The following ACAD11 variants were observed in gnomAD, a reference collection of about 807,000 sequenced individuals.
ACAD11 encodes acyl-Coenzyme A dehydrogenase family, member 11.
In ACAD11, 83 loss-of-function variants were observed where a neutral mutation model predicts 102.2. The ratio of observed to expected loss-of-function variants is 0.81; its 90% confidence interval spans 0.68 to 0.97. The LOEUF (loss-of-function observed/expected upper bound fraction) is 0.97. ACAD11 is among the 50% of genes least tolerant of loss of function. The pLI is 0.00. For synonymous variants in ACAD11, 324 were observed against 319.8 expected, an observed-to-expected ratio of 1.01 and a Z score of -0.14; for missense variants, 901 against 951.7, an observed-to-expected ratio of 0.95 and a Z score of 0.70.
chr3:132,636,371 T>G (rs2107875610), intron 5 of ACAD11, among the ~76,000 whole-genome samples: 1 of 152,328 alleles, frequency 6.6e-6, no homozygotes, highest in East Asian at 1.9e-4. Context: ...ATTATCTTCT[T>G]TATAAAGAGA....
chr3:132,609,669 C>A (rs909635800), intron 11 of ACAD11, among the ~76,000 whole-genome samples: 1 of 152,102 alleles, frequency 6.6e-6, no homozygotes, highest in Non-Finnish European at 1.5e-5. Context: ...AGCCCAGGAC[C>A]AGATGGTTTC....
intron 17 of ACAD11, among the ~76,000 whole-genome samples, chr3:132,569,958 AC>A (rs1256346416): frequency 7.2e-5 from 11 of 152,306 alleles, no homozygotes; most frequent in African/African-American, 2.6e-4. Context: ...CATTGGGGAA[AC>A]TGGGCAAAGG....
At chr3:132,597,465 A>C (rs1010641155) in intron 13 of ACAD11, 9 of 151,948 alleles carry the variant, frequency 5.9e-5, no homozygotes. Context: ...GGGTTACTTG[A>C]AAATAGCTGT....
chr3:132,645,083 C>A (rs980118107), intron 1 of ACAD11, among the ~76,000 whole-genome samples, 187 bp from the exon 2 acceptor site: 2 of 152,170 alleles, frequency 1.3e-5, no homozygotes, highest in Non-Finnish European at 2.9e-5. Context: ...TGGCAACATA[C>A]TGGCAGCTGG....
chr3:132,558,862 T>A lies in ACAD11; in HGVS notation c.*109A>T. On this transcript the variant is annotated 3_prime_UTR_variant, in exon 20 of 20. Coordinates refer to ENST00000264990, the MANE Select transcript of ACAD11 (RefSeq NM_032169.5). ...TATAATCTTTACCACAAATGAATAATTAACCCTGTGCTCAAACTGCTACAA... is the reference window on the plus strand; with the variant it reads ...TATAATCTTTACCACAAATGAATAAATAACCCTGTGCTCAAACTGCTACAA... 1 of 754,706 alleles carries A rather than the reference T, an allele frequency of 1.3e-6. No individual in the cohort carries two copies. Among genetic ancestry groups the A allele is most frequent in the Non-Finnish European group, 2.2e-6 (1 of 453,988 alleles). The allele number at this position is 754,706 out of a possible 1,614,324, so 46.8% of individuals were successfully genotyped here. A position where few individuals can be genotyped will look rare whatever the true frequency, so the allele number is the denominator to read the frequency against.
intron 11 of ACAD11, among the ~76,000 whole-genome samples, chr3:132,609,912 T>C (rs1438654601): frequency 1.3e-5 from 2 of 151,958 alleles, no homozygotes; most frequent in African/African-American, 4.8e-5. Context: ...CAGCAACACA[T>C]CAAAAAGCTT....
intron 18 of ACAD11, among the ~76,000 whole-genome samples, chr3:132,560,758 C>A (rs772596921): frequency 6.6e-6 from 1 of 152,078 alleles, no homozygotes; most frequent in South Asian, 2.1e-4. Flanking sequence ...CAACCCTAGG[C>A]CTTAGGCAGA....
chr3:132,599,762 T>C (rs1938484963), intron 13 of ACAD11, among the ~76,000 whole-genome samples: 1 of 152,076 alleles, frequency 6.6e-6, no homozygotes, highest in Non-Finnish European at 1.5e-5. Flanking sequence ...TAAAAAACAG[T>C]ATACAATAAG....
At chr3:132,562,336 C>A (rs1052962777) in intron 17 of ACAD11, among the ~76,000 whole-genome samples, 1 of 152,206 alleles carries the variant, frequency 6.6e-6, no homozygotes, top group Non-Finnish European at 1.5e-5. Flanking sequence ...AACTCCTGAC[C>A]TTGTGATCTG....
rs764140612 is a variant in ACAD11, at chr3:132,619,468, C to T, written c.1275G>A (p.Lys425=). ...TTTCTAGCGTTAAAGATTTTCTTAC[C>T]TTGAGTTTATCAATCACTAAAGGTT... ...WGKPLVIDKL[K]EMAKVEGLWN... Residue 425 remains lysine, a splice_region_variant and synonymous_variant, in exon 10 of 20, where the codon AAG becomes AAA. Coordinates refer to ENST00000264990, the MANE Select transcript of ACAD11 (RefSeq NM_032169.5). 3.8e-6 allele frequency: 6 copies of T among 1,573,574 alleles called. No individual in the cohort carries two copies. The South Asian group carries it at 6.0e-5, about 16-fold the overall frequency.
intron 13 of ACAD11, among the ~76,000 whole-genome samples, chr3:132,587,555 G>A (rs923203701): frequency 5.3e-5 from 8 of 152,080 alleles, no homozygotes; most frequent in Non-Finnish European, 8.8e-5. Context: ...GCTGCCTTAA[G>A]TCCTTGTCTG....
chr3:132,632,572 G>A (rs886279466), intron 5 of ACAD11, among the ~76,000 whole-genome samples: 3 of 152,136 alleles, frequency 2.0e-5, no homozygotes, highest in African/African-American at 4.8e-5. Context: ...CTCTTTCTTG[G>A]TTCCATATGA....
intron 9 of ACAD11, among the ~76,000 whole-genome samples, chr3:132,626,094 G>C (rs1029844914): frequency 6.6e-6 from 1 of 152,034 alleles, no homozygotes; most frequent in Admixed American, 6.6e-5. Flanking sequence ...TAAAGTCTAA[G>C]CTTCACATGA....
rs1225739665 is a variant in ACAD11 at position 132,582,369 on chromosome 3, T to G, written c.1622-2811A>C. On this transcript the variant is annotated intron_variant, in intron 13 of 19. Transcript: ENST00000264990. ...AAAAAAAAGAGTTTTCTGTAGGGCA[T>G]GATGTTTGGATGTGGAGACATGGGA... Among the ~76,000 whole-genome samples, 5 of 151,130 alleles carry G rather than the reference T, an allele frequency of 3.3e-5. No homozygotes were observed. The East Asian group carries it at 9.7e-4, about 29-fold the overall frequency.
chr3:132,659,776 C>T lies in ACAD11; in HGVS notation c.-25G>A, dbSNP rs763776116. ...TGATCACCCCCGCAGGCCACAGCAA[C>T]GCGGCATCCACAGGTCTCGAGTGCC... On this transcript the variant is annotated 5_prime_UTR_variant, in exon 1 of 20. Coordinates refer to ENST00000264990, the MANE Select transcript of ACAD11 (RefSeq NM_032169.5). The T allele has an allele frequency of 6.4e-7, 1 of 1,569,848 alleles. No individual in the cohort carries two copies. The highest frequency in any genetic ancestry group is 8.6e-7 in the Non-Finnish European group (1 of 1,156,596).
At chr3:132,608,543 A>C (rs2107832476) in intron 11 of ACAD11, among the ~76,000 whole-genome samples, 1 of 152,348 alleles carries the variant, frequency 6.6e-6, no homozygotes, top group East Asian at 1.9e-4. Flanking sequence ...AAAAAGACAA[A>C]GAAGGACATT....
At chr3:132,575,275 T>A (rs1214828102) in intron 17 of ACAD11, among the ~76,000 whole-genome samples, 1 of 152,194 alleles carries the variant, frequency 6.6e-6, no homozygotes, top group Admixed American at 6.5e-5. Flanking sequence ...AAAATGTTGG[T>A]CCCATTTCTA....
At chr3:132,624,826 A>G (rs1206919145) in intron 9 of ACAD11, among the ~76,000 whole-genome samples, 1 of 151,446 alleles carries the variant, frequency 6.6e-6, no homozygotes, top group African/African-American at 2.4e-5. Context: ...AGCTGGGACT[A>G]TAGGTGTGCA....
intron 7 of ACAD11, 61 bp from the exon 8 acceptor site, chr3:132,628,507 A>C: frequency 8.3e-7 from 1 of 1,208,426 alleles, no homozygotes; most frequent in South Asian, 1.4e-5. Flanking sequence ...AATCCAATCA[A>C]TCTTTCCAGT....
Sources: allele counts gnomAD v4.1 joint callset (sites outside exome capture counted in the v4.1 genomes callset), GRCh38; gene constraint gnomAD v4.1.1; transcripts MANE v1.5; gene names NCBI Gene and HGNC (gene_info 2026-07-23, HGNC 2026-07-21).